The following MRPL38 variants were observed in gnomAD, a reference collection of about 807,000 sequenced individuals.
The protein encoded by MRPL38 is large ribosomal subunit protein mL38.
In MRPL38, 51 loss-of-function variants were observed where a neutral mutation model predicts 52.1. The observed-to-expected ratio is 0.98, with a 90% CI of 0.78 to 1.24. MRPL38 has a LOEUF of 1.24. MRPL38 is among the 50% of genes most tolerant of loss of function. MRPL38 has a pLI of 0.00. For missense variants in MRPL38, 527 were observed against 518.6 expected (o/e 1.02, Z -0.16); for synonymous variants, 245 against 212.7 (o/e 1.15, Z -1.32).
rs766019304 is a variant in MRPL38 at position 75,901,897 on chromosome 17, G to A, written c.406C>T (p.Arg136Trp). 9.6e-6 allele frequency: 14 copies of A among 1,461,110 alleles called. No homozygotes were observed. In the Admixed American group the frequency reaches 1.1e-4, roughly 11 times the overall value. The allele number at this position is 1,461,110 out of a possible 1,614,324, so 90.5% of individuals were successfully genotyped here. A position where few individuals can be genotyped will look rare whatever the true frequency, so the allele number is the denominator to read the frequency against. The change falls in exon 4 of 9, where the codon CGG becomes TGG. Residue 136 changes from arginine to tryptophan, a missense_variant. Transcript: ENST00000309352. The surrounding 1 kb of genome is among the most constrained non-coding windows in gnomAD (Gnocchi z 5.7). ...CCACAGGTCCTCTCCCACTCGGCCC[G>A]CACGGCATCCAGCGGGACACTGGCT... Reference protein sequence around the residue: ...RTASVPLDAVRAEWERTCGPY... With the variant: ...RTASVPLDAVWAEWERTCGPY...
chr17:75,898,719 T>C lies in MRPL38; in HGVS notation c.*131A>G. 8 of 1,092,520 alleles carry C rather than the reference T, an allele frequency of 7.3e-6. No homozygotes were observed. Among genetic ancestry groups the C allele is most frequent in the Non-Finnish European group, 9.2e-6 (7 of 760,340 alleles). The allele number at this position is 1,092,520 out of a possible 1,614,324, so 67.7% of individuals were successfully genotyped here. On this transcript the variant is annotated 3_prime_UTR_variant, in exon 9 of 9. Coordinates refer to ENST00000309352, the MANE Select transcript of MRPL38 (RefSeq NM_032478.4). ...TCACTTTCACTCCAAGCCCTGGGCC[T>C]GACGGGAGGGGGCCAAAGAGGGGGG...
intron 6 of MRPL38, 196 bp from the exon 7 acceptor site, chr17:75,899,870 A>G (rs1255394066): frequency 2.5e-6 from 1 of 404,506 alleles, no homozygotes; most frequent in East Asian, 3.8e-5. Context: ...GGGCTGGAGG[A>G]GCTCCGAGTG....
At position 75,901,882 on chromosome 17, in the gene MRPL38, T is replaced by C. The variant is rs1224907348; in HGVS notation, c.421A>G (p.Arg141Gly). 1 of 1,593,448 alleles carries C rather than the reference T, an allele frequency of 6.3e-7. No individual in the cohort carries two copies. Among genetic ancestry groups the C allele is most frequent in the Non-Finnish European group, 8.5e-7 (1 of 1,170,596 alleles). ...TGCTTGTGGTAGGGGCCACAGGTCC[T>C]CTCCCACTCGGCCCGCACGGCATCC... The part of the protein sequence containing the change: ...PLDAVRAEWE[R>G]TCGPYHKQRL... Residue 141 changes from arginine (R) to glycine (G), a missense_variant, in exon 4 of 9, where the codon AGG becomes GGG. Coordinates refer to ENST00000309352, the MANE Select transcript of MRPL38 (RefSeq NM_032478.4). The surrounding 1 kb of genome is among the most constrained non-coding windows in gnomAD (Gnocchi z 5.7).
Position 75,901,442 on chromosome 17 carries a change from C to T in MRPL38, c.592-169G>A. 1 of 720,548 alleles carries T rather than the reference C, an allele frequency of 1.4e-6. No individual in the cohort carries two copies. Among genetic ancestry groups the T allele is most frequent in the Admixed American group, 2.5e-5 (1 of 40,668 alleles). The allele number at this position is 720,548 out of a possible 1,614,324, so 44.6% of individuals were successfully genotyped here. Reference sequence around the variant, plus strand: ...AAGCAGCCCTGCAGAGTTGCCTGTCCAGGCAACAACCACAAAAACGAACAT... The same window carrying T: ...AAGCAGCCCTGCAGAGTTGCCTGTCTAGGCAACAACCACAAAAACGAACAT... On this transcript the variant is annotated intron_variant, in intron 4 of 8. Transcript: ENST00000309352. The surrounding 1 kb of genome is among the most constrained non-coding windows in gnomAD (Gnocchi z 5.7).
rs1048485172 is a variant in MRPL38 at position 75,904,867 on chromosome 17, C to G, written c.9G>C (p.Ala3=). The G allele has an allele frequency of 4.2e-5, 64 of 1,526,114 alleles. No individual in the cohort carries two copies. The Admixed American group carries it at 1.1e-3, about 25-fold the overall frequency. The allele number at this position is 1,526,114 out of a possible 1,614,324, so 94.5% of individuals were successfully genotyped here. A position where few individuals can be genotyped will look rare whatever the true frequency, so the allele number is the denominator to read the frequency against. Residue 3 remains alanine (A), a synonymous_variant, in exon 1 of 9, where the codon GCG becomes GCC. Coordinates refer to ENST00000309352, the MANE Select transcript of MRPL38 (RefSeq NM_032478.4). MA[A]PWWRAALCEC... ...CGCACAGCGCGGCTCGCCACCAGGG[C>G]GCCGCCATCTTCCCTCCGGCCTGCG...
In MRPL38 at chr17:75,899,519, G is replaced by A. The variant is rs763318116; in HGVS notation, c.866C>T (p.Pro289Leu). 1.9e-6 allele frequency: 3 copies of A among 1,583,818 alleles called. No homozygotes were observed. Among genetic ancestry groups the A allele is most frequent in the African/African-American group, 2.7e-5 (2 of 74,340 alleles). Reference sequence around the variant, plus strand: ...ATGTGTGGGTGGTGTAGATTACCAGGGTGAGGGGCGTGCGTCCTCAGAGAA... The same window carrying A: ...ATGTGTGGGTGGTGTAGATTACCAGAGTGAGGGGCGTGCGTCCTCAGAGAA... Reference protein sequence around the residue: ...IDFSEDARPSPCYQLAQRTFR... With the variant: ...IDFSEDARPSLCYQLAQRTFR... Residue 289 changes from proline (P) to leucine (L), a missense_variant, in exon 7 of 9, where the codon CCC becomes CTC. Coordinates refer to ENST00000309352, the MANE Select transcript of MRPL38 (RefSeq NM_032478.4).
chr17:75,904,506 G>T, intron 2 of MRPL38, 34 bp downstream of exon 2: 1 of 1,486,230 alleles, frequency 6.7e-7, no homozygotes, highest in Non-Finnish European at 8.9e-7. Context: ...TTCCCCGGGC[G>T]GTGGCTGCAG....
At chr17:75,903,157 C>T (rs971958538) in intron 2 of MRPL38, among the ~76,000 whole-genome samples, 1 of 152,172 alleles carries the variant, frequency 6.6e-6, no homozygotes, top group Non-Finnish European at 1.5e-5. Context: ...GCCTGTAATC[C>T]CAACACTTTG....
Position 75,901,746 on chromosome 17 carries a change from G to A in MRPL38, c.557C>T (p.Pro186Leu), listed in dbSNP as rs1364183012. 6.2e-7 allele frequency: 1 copy of A among 1,613,708 alleles called. No homozygotes were observed. The highest frequency in any genetic ancestry group is 2.2e-5 in the East Asian group (1 of 44,884). ...AGTCACCTCATTGCCACAGTACACA[G>A]GCATCAGGTCATCCTCACCCACAGC... The part of the protein sequence containing the change: ...AYAVGEDDLM[P>L]VYCGNEVTPT... Residue 186 changes from proline to leucine, a missense_variant, in exon 4 of 9, where the codon CCT becomes CTT. By Grantham distance (98) the Pro-to-Leu change is moderately conservative (BLOSUM62 -3). Coordinates refer to ENST00000309352, the MANE Select transcript of MRPL38 (RefSeq NM_032478.4). The surrounding 1 kb of genome is among the most constrained non-coding windows in gnomAD (Gnocchi z 5.7).
chr17:75,904,639 T>G lies in MRPL38; in HGVS notation c.148A>C (p.Lys50Gln). Residue 50 changes from lysine (K) to glutamine (Q), a missense_variant, in exon 2 of 9, where the codon AAG (lysine) becomes CAG (glutamine). By Grantham distance (53) the Lys-to-Gln change is moderately conservative (BLOSUM62 1). Transcript: ENST00000309352. ...CGGTAGCGGTCGAAGCTCCGGTACT[T>G]CTCCAGCCGCTCCAGGTTGCTCAAG... ...IDLSNLERLE[K>Q]YRSFDRYRRR... is the part of the protein sequence containing the mutation. 1 of 1,595,854 alleles carries G rather than the reference T, an allele frequency of 6.3e-7. No individual in the cohort carries two copies. Among genetic ancestry groups the G allele is most frequent in the Non-Finnish European group, 8.5e-7 (1 of 1,178,106 alleles).
chr17:75,900,798 C>T lies in MRPL38; in HGVS notation c.710+184G>A, dbSNP rs1599472782. On this transcript the variant is annotated intron_variant, in intron 6 of 8. Coordinates refer to ENST00000309352, the MANE Select transcript of MRPL38 (RefSeq NM_032478.4). ...CCGAGGCCTACTGCAAACTTTGTCT[C>T]CTGTAGCTGTCTTCAAGTAGACACG... 21 of 1,422,452 alleles carry T rather than the reference C, an allele frequency of 1.5e-5. No individual in the cohort carries two copies. In the East Asian group the frequency reaches 5.3e-4, roughly 36 times the overall value. The allele number at this position is 1,422,452 out of a possible 1,614,324, so 88.1% of individuals were successfully genotyped here.
At chr17:75,899,875 C>T (rs548773938) in intron 6 of MRPL38, 41 of 393,482 alleles carry the variant, frequency 1.0e-4, no homozygotes, top group African/African-American at 6.8e-4. Flanking sequence ...GGAGGAGCTC[C>T]GAGTGGGGGA....
In MRPL38 at chr17:75,900,964, C is replaced by A. The variant is rs750457858; in HGVS notation, c.710+18G>T. ...CCGCCTGGGCAGCACCCCCTACCCC[C>A]AGTACTCCAGTACTCACAGCAGCCA... On this transcript the variant is annotated intron_variant, in intron 6 of 8. Coordinates refer to ENST00000309352, the MANE Select transcript of MRPL38 (RefSeq NM_032478.4). 4 of 1,610,610 alleles carry A rather than the reference C, an allele frequency of 2.5e-6. No homozygotes were observed. Among genetic ancestry groups the A allele is most frequent in the Non-Finnish European group, 3.4e-6 (4 of 1,178,688 alleles).
chr17:75,899,092 C>T, intron 8 of MRPL38, 66 bp downstream of exon 8: 1 of 1,548,624 alleles, frequency 6.5e-7, no homozygotes, highest in Non-Finnish European at 8.7e-7. Context: ...CAAAGCTTCT[C>T]CCTGGCAGGG....
In MRPL38 at chr17:75,901,419, G is replaced by A. The variant is rs2065403969; in HGVS notation, c.592-146C>T. ...GGCAGGCAAAGGGATGCGTAGAGAA[G>A]CAGCCCTGCAGAGTTGCCTGTCCAG... On this transcript the variant is annotated intron_variant, in intron 4 of 8. Transcript: ENST00000309352. This position sits in a 1 kb window ranked among gnomAD's most constrained non-coding sequence, Gnocchi z 5.7. 3.7e-6 allele frequency: 3 copies of A among 804,612 alleles called. No individual in the cohort carries two copies. The highest frequency in any genetic ancestry group is 6.1e-6 in the Non-Finnish European group (3 of 494,722). The allele number at this position is 804,612 out of a possible 1,614,324, so 49.8% of individuals were successfully genotyped here.
rs1176070902 is a variant in MRPL38 at position 75,901,959 on chromosome 17, G to A, written c.383-39C>T. 4 of 1,607,642 alleles carry A rather than the reference G, an allele frequency of 2.5e-6. No homozygotes were observed. In the South Asian group the frequency reaches 3.3e-5, roughly 13 times the overall value. ...AGGCCAGTTGGGATACGGGGGTGGG[G>A]GGGGCAGGGACACACCCTGTACCCC... On this transcript the variant is annotated intron_variant, in intron 3 of 8. Coordinates refer to ENST00000309352, the MANE Select transcript of MRPL38 (RefSeq NM_032478.4). The surrounding 1 kb of genome is among the most constrained non-coding windows in gnomAD (Gnocchi z 5.7).
At position 75,901,446 on chromosome 17, in the gene MRPL38, CA is replaced by C; in HGVS notation, c.592-174del. On this transcript the variant is annotated intron_variant, in intron 4 of 8. Transcript: ENST00000309352. This position sits in a 1 kb window ranked among gnomAD's most constrained non-coding sequence, Gnocchi z 5.7. ...AGCCCTGCAGAGTTGCCTGTCCAGG[CA>C]ACAACCACAAAAACGAACATGTGCC... The C allele has an allele frequency of 2.8e-6, 2 of 710,268 alleles. No homozygotes were observed. The highest frequency in any genetic ancestry group is 4.7e-6 in the Non-Finnish European group (2 of 422,640). The allele number at this position is 710,268 out of a possible 1,614,324, so 44.0% of individuals were successfully genotyped here. A position where few individuals can be genotyped will look rare whatever the true frequency, so the allele number is the denominator to read the frequency against.
chr17:75,903,126 C>T (rs762298847), intron 2 of MRPL38, among the ~76,000 whole-genome samples: 7 of 152,136 alleles, frequency 4.6e-5, no homozygotes, highest in East Asian at 1.9e-4. Context: ...AAGTGCTTCT[C>T]GGCCAGGTGC....
At chr17:75,900,940 C>T (rs375396532) in intron 6 of MRPL38, 42 bp downstream of exon 6, 31 of 1,578,120 alleles carry the variant, frequency 2.0e-5, no homozygotes, top group East Asian at 1.1e-4. Context: ...CTCCTCTTCC[C>T]GCCTGGGCAG....
Sources: allele counts gnomAD v4.1 joint callset (sites outside exome capture counted in the v4.1 genomes callset), GRCh38; gene constraint gnomAD v4.1.1; non-coding constraint Gnocchi (gnomAD v3.1); transcripts MANE v1.5; gene names NCBI Gene and HGNC (gene_info 2026-07-23, HGNC 2026-07-21).